PODXL: variants seen among roughly 807,000 people sequenced by gnomAD.
The protein encoded by PODXL is podocalyxin like, also known as podocalyxin.
PODXL carries 20 observed loss-of-function variants against 48.9 expected under a neutral mutation model. The observed-to-expected ratio is 0.41, with a 90% CI of 0.29 to 0.59. The LOEUF (loss-of-function observed/expected upper bound fraction) is 0.59. Ranked by LOEUF, PODXL falls within the 20% of genes least tolerant of loss-of-function variation. The pLI is 0.31. For synonymous variants in PODXL, 295 were observed against 287.4 expected, an observed-to-expected ratio of 1.03 and a Z score of -0.27; for missense variants, 606 against 675.1, an observed-to-expected ratio of 0.90 and a Z score of 1.13.
chr7:131,507,198 G>A (rs1258086354), intron 5 of PODXL, among the ~76,000 whole-genome samples: 1 of 152,202 alleles, frequency 6.6e-6, no homozygotes, highest in African/African-American at 2.4e-5. Context: ...GGAGGCTGCA[G>A]CTCTCAGCAG....
chr7:131,527,900 CTTTT>C (rs759943507), intron 1 of PODXL, among the ~76,000 whole-genome samples: 1 of 116,520 alleles, frequency 8.6e-6, no homozygotes, highest in East Asian at 2.4e-4. Context: ...TAGTCAGACA[CTTTT>C]TTTTTTTTTT....
intron 1 of PODXL, among the ~76,000 whole-genome samples, chr7:131,546,471 A>G (rs1798577054): frequency 6.6e-6 from 1 of 152,118 alleles, no homozygotes; most frequent in Non-Finnish European, 1.5e-5. Flanking sequence ...CACGTCTGTA[A>G]TTCCAGCACT....
At chr7:131,537,104 T>C (rs1798387152) in intron 1 of PODXL, among the ~76,000 whole-genome samples, 1 of 152,012 alleles carries the variant, frequency 6.6e-6, no homozygotes, top group African/African-American at 2.4e-5. Flanking sequence ...CCATCCCGGA[T>C]GACAGAGTGA....
intron 3 of PODXL, among the ~76,000 whole-genome samples, chr7:131,509,976 C>T (rs868727745): frequency 6.6e-6 from 1 of 152,152 alleles, no homozygotes; most frequent in Non-Finnish European, 1.5e-5. Context: ...TTATCTCAGC[C>T]GGAGCCCGCA....
chr7:131,550,810 C>T (rs1025399143), intron 1 of PODXL, among the ~76,000 whole-genome samples: 11 of 152,062 alleles, frequency 7.2e-5, no homozygotes, highest in East Asian at 3.9e-4. Flanking sequence ...CGCACACACA[C>T]GTGTGCACAC....
intron 1 of PODXL, among the ~76,000 whole-genome samples, chr7:131,525,939 T>C (rs932768264): frequency 6.6e-6 from 1 of 152,230 alleles, no homozygotes; most frequent in Non-Finnish European, 1.5e-5. Context: ...TCGGAACTCA[T>C]GTTTCAATAG....
In PODXL at chr7:131,521,584, C is replaced by T. The variant is rs145284620; in HGVS notation, c.101-10151G>A. On this transcript the variant is annotated intron_variant, in intron 1 of 8. Transcript: ENST00000378555. Reference sequence around the variant, plus strand: ...TCCTGACCTCGTGATGGACCCACCTCGGCTTCCCAAAGTGCTGGGATTACA... The same window carrying T: ...TCCTGACCTCGTGATGGACCCACCTTGGCTTCCCAAAGTGCTGGGATTACA... Among the ~76,000 whole-genome samples the T allele has an allele frequency of 1.4e-3, 206 of 152,304 alleles. 3 individuals carry two copies. Among genetic ancestry groups the T allele is most frequent in the African/African-American group, 4.8e-3 (200 of 41,556 alleles).
chr7:131,548,864 C>A (rs1043241227), intron 1 of PODXL, among the ~76,000 whole-genome samples: 1 of 152,192 alleles, frequency 6.6e-6, no homozygotes, highest in Non-Finnish European at 1.5e-5. Flanking sequence ...CCACCTCTTT[C>A]TTGAATCAGG....
At chr7:131,539,009 C>T (rs1798429435) in intron 1 of PODXL, among the ~76,000 whole-genome samples, 1 of 152,224 alleles carries the variant, frequency 6.6e-6, no homozygotes, top group Non-Finnish European at 1.5e-5. Context: ...GCCAACACAC[C>T]AGCCAGCTGG....
intron 1 of PODXL, among the ~76,000 whole-genome samples, chr7:131,545,052 T>C (rs955473399): frequency 6.6e-6 from 1 of 151,990 alleles, no homozygotes; most frequent in Non-Finnish European, 1.5e-5. Context: ...GGTCAAGGAC[T>C]CAAAAAGCAG....
At chr7:131,555,400 G>A (rs1200648549) in intron 1 of PODXL, among the ~76,000 whole-genome samples, 2 of 152,224 alleles carry the variant, frequency 1.3e-5, no homozygotes, top group Admixed American at 6.5e-5. Context: ...CCCCAAAAGG[G>A]AAAGAGTAAC....
At position 131,525,474 on chromosome 7, in the gene PODXL, G is replaced by C. The variant is rs188425536; in HGVS notation, c.101-14041C>G. On this transcript the variant is annotated intron_variant, in intron 1 of 8. Transcript: ENST00000378555. ...AAAATACAAAAATTAGCCAGGCATG[G>C]TGGTGCGTGCCTGTAATCCCAGCTA... is the stretch of plus-strand genomic sequence containing the variant. 3.4e-3 allele frequency among the ~76,000 whole-genome samples: 500 copies of C among 146,596 alleles called. 2 individuals carry two copies. The highest frequency in any genetic ancestry group is 0.012 in the African/African-American group (462 of 40,148).
chr7:131,504,370 C>G lies in PODXL; in HGVS notation c.1618G>C (p.Val540Leu). 6.2e-7 allele frequency: 1 copy of G among 1,614,162 alleles called. No individual in the cohort carries two copies. The highest frequency in any genetic ancestry group is 1.1e-5 in the South Asian group (1 of 91,084). ...TCCTTGGTCAGGTTGTCCAGAGGGACGATCCAGCTGTCCCCCAGCTCCCCG... is the reference window on the plus strand; with the variant it reads ...TCCTTGGTCAGGTTGTCCAGAGGGAGGATCCAGCTGTCCCCCAGCTCCCCG... ...LNGELGDSWI[V>L]PLDNLTKDDL... Residue 540 changes from valine to leucine, a missense_variant, in exon 9 of 9, where the codon GTC (valine) becomes CTC (leucine). By Grantham distance (32) the Val-to-Leu change is conservative. Coordinates refer to ENST00000378555, the MANE Select transcript of PODXL (RefSeq NM_001018111.3).
chr7:131,550,797 ACACG>A (rs1253787303), intron 1 of PODXL, among the ~76,000 whole-genome samples: 2 of 150,674 alleles, frequency 1.3e-5, no homozygotes, highest in African/African-American at 4.9e-5. Flanking sequence ...ACACACACAC[ACACG>A]CACACACACG....
chr7:131,506,502 C>T, intron 6 of PODXL, 77 bp downstream of exon 6: 1 of 1,520,566 alleles, frequency 6.6e-7, no homozygotes, highest in Non-Finnish European at 9.1e-7. Context: ...TGTGACCCAC[C>T]CTCCAATGTG....
chr7:131,548,394 C>A (rs1424265261), intron 1 of PODXL, among the ~76,000 whole-genome samples: 2 of 152,238 alleles, frequency 1.3e-5, no homozygotes, highest in Non-Finnish European at 2.9e-5. Context: ...ATTACTCTTC[C>A]CTAAGTTCTC....
At chr7:131,539,426 G>T (rs1221514463) in intron 1 of PODXL, among the ~76,000 whole-genome samples, 2 of 152,132 alleles carry the variant, frequency 1.3e-5, no homozygotes, top group Admixed American at 1.3e-4. Context: ...CGCCTCCCGG[G>T]TTCAAGTGAC....
chr7:131,546,563 T>TA (rs199686094), intron 1 of PODXL, among the ~76,000 whole-genome samples: 4,812 of 151,518 alleles, frequency 0.032, 115 homozygotes, highest in South Asian at 0.12. Flanking sequence ...CCATCTCTAC[T>TA]AAAAATCCCA....
chr7:131,513,898 C>T (rs958631094), intron 1 of PODXL, among the ~76,000 whole-genome samples: 1 of 152,160 alleles, frequency 6.6e-6, no homozygotes, highest in African/African-American at 2.4e-5. Flanking sequence ...CAGGAGTAGC[C>T]GCCAGCAGCA....
Sources: gnomAD v4.1 joint callset for allele counts (sites outside exome capture counted in the v4.1 genomes callset) on GRCh38, gnomAD v4.1.1 for gene constraint, MANE v1.5 for transcripts, NCBI Gene and HGNC (gene_info 2026-07-23, HGNC 2026-07-21) for gene names.